ADAM28: variants seen among roughly 807,000 people sequenced by gnomAD.
ADAM28 encodes ADAM metallopeptidase domain 28, also known as disintegrin and metalloproteinase domain-containing protein 28.
In ADAM28, 105 loss-of-function variants were observed where a neutral mutation model predicts 101.2. That is an observed-to-expected ratio of 1.04 (90% confidence interval 0.89 to 1.22). ADAM28 has a LOEUF of 1.22. Ranked by LOEUF, ADAM28 falls within the 50% of genes most tolerant of loss-of-function variation. The pLI is 0.00. For missense variants in ADAM28, 1,028 were observed against 945.4 expected (o/e 1.09, Z -1.15); for synonymous variants, 322 against 310.6 (o/e 1.04, Z -0.39).
chr8:24,309,430 G>A (rs1317661834), intron 2 of ADAM28, among the ~76,000 whole-genome samples: 1 of 152,150 alleles, frequency 6.6e-6, no homozygotes, highest in Non-Finnish European at 1.5e-5. Flanking sequence ...GGTAATTTAT[G>A]TGTCGTTTTA....
intron 2 of ADAM28, among the ~76,000 whole-genome samples, chr8:24,302,915 C>T (rs540097708): frequency 1.1e-4 from 12 of 112,084 alleles, no homozygotes; most frequent in Admixed American, 6.9e-4. Flanking sequence ...GCTATCCCTC[C>T]CCCCTCCCCC....
At position 24,332,738 on chromosome 8, in the gene ADAM28, G is replaced by A; in HGVS notation, c.1360G>A (p.Glu454Lys). 6.9e-7 allele frequency: 1 copy of A among 1,454,886 alleles called. No homozygotes were observed. 90.1% of individuals were successfully genotyped at this position (1,454,886 alleles called of 1,614,324 possible). ...TCAATGTGCATTAGGAGAATGTTGT[G>A]AAAAATGCCAAGTAAGATTATTTTA... ...TFQCALGECCEKCQFKKAGMV... is the reference protein window; with the variant it reads ...TFQCALGECCKKCQFKKAGMV... Residue 454 changes from glutamate (E) to lysine (K), a missense_variant, in exon 13 of 23, where the codon GAA (glutamate) becomes AAA (lysine). Glu to Lys is a moderately conservative substitution (Grantham distance 56). Transcript: ENST00000265769.
At chr8:24,335,051 C>T (rs1231978528) in intron 13 of ADAM28, among the ~76,000 whole-genome samples, 1 of 152,170 alleles carries the variant, frequency 6.6e-6, no homozygotes, top group African/African-American at 2.4e-5. Flanking sequence ...TACCGAAGAT[C>T]CAATTCACCA....
intron 17 of ADAM28, 134 bp from the exon 18 acceptor site, chr8:24,343,372 T>C (rs975269274): frequency 3.5e-5 from 38 of 1,081,646 alleles, no homozygotes; most frequent in Non-Finnish European, 4.6e-5. Flanking sequence ...CATTCACTCA[T>C]ACTTTTTGTA....
At chr8:24,317,950 T>C (rs1019621419) in intron 6 of ADAM28, among the ~76,000 whole-genome samples, 15 of 152,178 alleles carry the variant, frequency 9.9e-5, no homozygotes, top group Middle Eastern at 3.4e-3. Flanking sequence ...CAGAGTTTAA[T>C]TGAGCAAAGA....
At chr8:24,303,076 C>T (rs1809049522) in intron 2 of ADAM28, among the ~76,000 whole-genome samples, 1 of 151,842 alleles carries the variant, frequency 6.6e-6, no homozygotes, top group African/African-American at 2.4e-5. Context: ...TAAAAATTTT[C>T]TCTCATTCTG....
At chr8:24,308,994 C>A (rs150624397) in intron 2 of ADAM28, among the ~76,000 whole-genome samples, 1 of 152,280 alleles carries the variant, frequency 6.6e-6, no homozygotes, top group East Asian at 1.9e-4. Flanking sequence ...ATTTAGATAT[C>A]TTTAATGACA....
intron 18 of ADAM28, among the ~76,000 whole-genome samples, chr8:24,345,351 G>A (rs1156986852): frequency 1.3e-5 from 2 of 151,982 alleles, no homozygotes; most frequent in South Asian, 2.1e-4. Context: ...TATCTCCACT[G>A]TGTGATCTCC....
intron 2 of ADAM28, chr8:24,300,850 A>G (rs920007012): frequency 9.2e-5 from 14 of 152,340 alleles, no homozygotes; most frequent in Non-Finnish European, 7.4e-5. Context: ...CAGCAGGTGA[A>G]TGCATGTATA....
Position 24,294,287 on chromosome 8 carries a change from T to C in ADAM28, c.46+92T>C, listed in dbSNP as rs1364804143. Reference sequence around the variant, plus strand: ...GTTTTATTGTATAAACTATTTTGACTTTTTTCTTTTTCTTTTTTCTCAATC... The same window carrying C: ...GTTTTATTGTATAAACTATTTTGACCTTTTTCTTTTTCTTTTTTCTCAATC... On this transcript the variant is annotated intron_variant, in intron 1 of 22. Coordinates refer to ENST00000265769, the MANE Select transcript of ADAM28 (RefSeq NM_014265.6). The C allele has an allele frequency of 1.9e-5, 28 of 1,457,098 alleles. No homozygotes were observed. In the Admixed American group the frequency reaches 2.7e-4, roughly 14 times the overall value. 90.3% of individuals were successfully genotyped at this position (1,457,098 alleles called of 1,614,324 possible). A position where few individuals can be genotyped will look rare whatever the true frequency, so the allele number is the denominator to read the frequency against.
intron 18 of ADAM28, among the ~76,000 whole-genome samples, chr8:24,346,067 G>A (rs1354513593): frequency 6.6e-6 from 1 of 152,038 alleles, no homozygotes; most frequent in Non-Finnish European, 1.5e-5. Context: ...TAGTTCAGAA[G>A]TGTCCTTGCA....
At chr8:24,297,974 G>A (rs1022996601) in intron 1 of ADAM28, among the ~76,000 whole-genome samples, 1 of 152,156 alleles carries the variant, frequency 6.6e-6, no homozygotes, top group Non-Finnish European at 1.5e-5. Context: ...ATGAGGAACT[G>A]AAGAACCCCG....
At position 24,354,873 on chromosome 8, in the gene ADAM28, TA is replaced by T. The variant is rs1816571787; in HGVS notation, c.*470del. ...AATTCTGTTTTGTGGATCTCTTTCC[TA>T]GATTAGCTTCTGAAATCATTATTAG... On this transcript the variant is annotated 3_prime_UTR_variant, in exon 23 of 23. Transcript: ENST00000265769. The T allele has an allele frequency of 6.5e-6, 1 of 153,122 alleles. No homozygotes were observed. The highest frequency in any genetic ancestry group is 2.4e-5 in the African/African-American group (1 of 41,586). 9.5% of individuals were successfully genotyped at this position (153,122 alleles called of 1,614,324 possible).
chr8:24,320,708 C>T (rs1811753719), intron 7 of ADAM28, among the ~76,000 whole-genome samples: 1 of 151,872 alleles, frequency 6.6e-6, no homozygotes. Context: ...GAATGGAATC[C>T]TCTGAAAAGG....
intron 10 of ADAM28, among the ~76,000 whole-genome samples, chr8:24,327,797 T>G (rs904950428): frequency 1.3e-5 from 2 of 152,144 alleles, no homozygotes; most frequent in Non-Finnish European, 2.9e-5. Flanking sequence ...AAGGATTCTC[T>G]ATTTAATAAA....
At chr8:24,301,783 G>A (rs1004746222) in intron 2 of ADAM28, among the ~76,000 whole-genome samples, 1 of 152,162 alleles carries the variant, frequency 6.6e-6, no homozygotes, top group Non-Finnish European at 1.5e-5. Context: ...GATCAACACA[G>A]GCTTTCTGGC....
Position 24,353,913 on chromosome 8 carries a change from GA to G in ADAM28, c.2307+88del, listed in dbSNP as rs947507234. ...AGAGAAGGCCCACCATGTCTTTTTA[GA>G]AAAAAACTTACTAAGAACAGTATCT... On this transcript the variant is annotated intron_variant, in intron 22 of 22. Coordinates refer to ENST00000265769, the MANE Select transcript of ADAM28 (RefSeq NM_014265.6). 3.0e-6 allele frequency: 3 copies of G among 998,328 alleles called. No homozygotes were observed. The South Asian group carries it at 5.0e-5, about 17-fold the overall frequency. The allele number at this position is 998,328 out of a possible 1,614,324, so 61.8% of individuals were successfully genotyped here. A position where few individuals can be genotyped will look rare whatever the true frequency, so the allele number is the denominator to read the frequency against.
intron 11 of ADAM28, among the ~76,000 whole-genome samples, chr8:24,330,538 A>G (rs879639935): frequency 2.2e-4 from 34 of 152,208 alleles, no homozygotes; most frequent in African/African-American, 6.8e-4. Context: ...TTTTTAGGCA[A>G]TCTTATCTTT....
At chr8:24,307,794 A>G (rs1359136182) in intron 2 of ADAM28, among the ~76,000 whole-genome samples, 1 of 152,170 alleles carries the variant, frequency 6.6e-6, no homozygotes, top group Non-Finnish European at 1.5e-5. Flanking sequence ...CCATCTTGGT[A>G]TTGGCCCATG....
Sources: allele counts gnomAD v4.1 joint callset (sites outside exome capture counted in the v4.1 genomes callset), GRCh38; gene constraint gnomAD v4.1.1; transcripts MANE v1.5; gene names NCBI Gene and HGNC (gene_info 2026-07-23, HGNC 2026-07-21).